CSE1L: variants seen among roughly 807,000 people sequenced by gnomAD.
CSE1L encodes the protein chromosome segregation 1 like.
CSE1L carries 24 observed loss-of-function variants against 120.4 expected under a neutral mutation model. The ratio of observed to expected loss-of-function variants is 0.20; its 90% CI spans 0.14 to 0.28. The LOEUF (loss-of-function observed/expected upper bound fraction) is 0.28. Among genes scored for constraint, CSE1L ranks in the 10% least tolerant of loss-of-function variants. The pLI is 1.00. For synonymous variants in CSE1L, 402 were observed against 398.3 expected, an observed-to-expected ratio of 1.01 and a Z score of -0.11; for missense variants, 830 against 1,145.2, an observed-to-expected ratio of 0.72 and a Z score of 3.97.
At chr20:49,081,839 A>G (rs1198602384) in intron 14 of CSE1L, among the ~76,000 whole-genome samples, 1 of 152,164 alleles carries the variant, frequency 6.6e-6, no homozygotes, top group Non-Finnish European at 1.5e-5. Flanking sequence ...TATTTTAAAC[A>G]CACAAGCAGG....
At position 49,081,454 on chromosome 20, in the gene CSE1L, G is replaced by T. The variant is rs115841347; in HGVS notation, c.1483-2572G>T. ...ACGTGCCACCACACCCAGCCATATT[G>T]CATTACTTTTAAAAAATCAATTGAG... On this transcript the variant is annotated intron_variant, in intron 14 of 24. Coordinates refer to ENST00000262982, the MANE Select transcript of CSE1L (RefSeq NM_001316.4). 5.2e-3 allele frequency among the ~76,000 whole-genome samples: 791 copies of T among 152,248 alleles called. 9 individuals are homozygous for T. Among genetic ancestry groups the T allele is most frequent in the African/African-American group, 0.018 (740 of 41,552 alleles).
rs191560041 is a variant in CSE1L at position 49,063,127 on chromosome 20, T to A, written c.86-75T>A. 1.9e-5 allele frequency: 12 copies of A among 631,920 alleles called. No individual in the cohort carries two copies. In the Admixed American group the frequency reaches 3.6e-4, roughly 19 times the overall value. 39.1% of individuals were successfully genotyped at this position (631,920 alleles called of 1,614,324 possible). On this transcript the variant is annotated intron_variant, in intron 2 of 24. Transcript: ENST00000262982. ...CTTTTCTCTTTTTTTGATTTTTTTTTATATATATATATTTGATATATATAA... is the reference window on the plus strand; with the variant it reads ...CTTTTCTCTTTTTTTGATTTTTTTTAATATATATATATTTGATATATATAA...
At chr20:49,088,855 A>C (rs1323944209) in intron 17 of CSE1L, among the ~76,000 whole-genome samples, 1 of 152,160 alleles carries the variant, frequency 6.6e-6, no homozygotes, top group African/African-American at 2.4e-5. Context: ...TTAAAGAAAA[A>C]TGGGGTTTTG....
intron 1 of CSE1L, among the ~76,000 whole-genome samples, chr20:49,048,216 C>G (rs1166584779): frequency 6.6e-6 from 1 of 150,782 alleles, no homozygotes; most frequent in African/African-American, 2.4e-5. Flanking sequence ...TCCTACAACC[C>G]TTTATCTTTC....
intron 15 of CSE1L, among the ~76,000 whole-genome samples, chr20:49,084,660 C>T (rs899477050): frequency 5.3e-5 from 8 of 152,148 alleles, no homozygotes; most frequent in Non-Finnish European, 1.0e-4. Context: ...GAAAGTAATT[C>T]ACTGGGGACC....
chr20:49,090,739 C>T lies in CSE1L; in HGVS notation c.2182-3C>T. ...TTTTCTGTTGGATCTCATTTCTTAACAGCCTGGGTTACTAGGTGTCTTTCA... is the reference window on the plus strand; with the variant it reads ...TTTTCTGTTGGATCTCATTTCTTAATAGCCTGGGTTACTAGGTGTCTTTCA... On this transcript the variant is annotated splice_region_variant and splice_polypyrimidine_tract_variant and intron_variant, in intron 19 of 24. Transcript: ENST00000262982. The T allele has an allele frequency of 6.2e-7, 1 of 1,610,236 alleles. No homozygotes were observed. The highest frequency in any genetic ancestry group is 2.2e-5 in the East Asian group (1 of 44,834).
At chr20:49,057,695 G>A (rs909999530) in intron 1 of CSE1L, among the ~76,000 whole-genome samples, 14 of 151,988 alleles carry the variant, frequency 9.2e-5, no homozygotes, top group African/African-American at 3.1e-4. Flanking sequence ...GCTATGGTGC[G>A]ATCTCAGCTC....
chr20:49,086,855 G>A (rs183359582), intron 16 of CSE1L, among the ~76,000 whole-genome samples: 5 of 152,252 alleles, frequency 3.3e-5, no homozygotes, highest in Admixed American at 2.0e-4. Context: ...GTCAGGGAAG[G>A]ATTTTCTCTA....
At chr20:49,083,790 T>A (rs1446355548) in intron 14 of CSE1L, among the ~76,000 whole-genome samples, 1 of 152,212 alleles carries the variant, frequency 6.6e-6, no homozygotes, top group Non-Finnish European at 1.5e-5. Context: ...TGTTGATTTA[T>A]CTGCAAGATG....
intron 16 of CSE1L, among the ~76,000 whole-genome samples, chr20:49,087,798 G>C (rs888873515): frequency 6.6e-6 from 1 of 151,960 alleles, no homozygotes; most frequent in African/African-American, 2.4e-5. Context: ...GAAATACTCA[G>C]TATTTCCCAG....
chr20:49,078,718 C>T (rs2091988144), intron 14 of CSE1L, 96 bp downstream of exon 14: 2 of 726,368 alleles, frequency 2.8e-6, no homozygotes, highest in South Asian at 2.2e-5. Flanking sequence ...TTTATATCCA[C>T]ATCTAACAAA....
intron 2 of CSE1L, among the ~76,000 whole-genome samples, chr20:49,060,219 C>CA (rs2091841132): frequency 6.6e-6 from 1 of 151,242 alleles, no homozygotes; most frequent in Non-Finnish European, 1.5e-5. Flanking sequence ...TGCATTTGCT[C>CA]ACGCCTGTAA....
chr20:49,089,644 G>A lies in CSE1L; in HGVS notation c.2079G>A (p.Val693=). The A allele has an allele frequency of 1.2e-6, 2 of 1,614,154 alleles. No individual in the cohort carries two copies. Among genetic ancestry groups the A allele is most frequent in the Non-Finnish European group, 1.7e-6 (2 of 1,180,010 alleles). ...MALFPHLLQP[V]LWERTGNIPA... is the part of the protein sequence containing the mutation. ...TATTTCCTCATCTCCTTCAGCCAGT[G>A]CTTTGGGAAAGAACAGGAAATATTC... The change falls in exon 19 of 25, where the codon GTG becomes GTA. Residue 693 remains valine (V), a synonymous_variant. Coordinates refer to ENST00000262982, the MANE Select transcript of CSE1L (RefSeq NM_001316.4).
At chr20:49,065,917 A>C (rs1414506025) in intron 3 of CSE1L, among the ~76,000 whole-genome samples, 1 of 152,166 alleles carries the variant, frequency 6.6e-6, no homozygotes, top group East Asian at 1.9e-4. Flanking sequence ...CTTAATTGGC[A>C]TCAAGGAGTA....
intron 12 of CSE1L, among the ~76,000 whole-genome samples, chr20:49,076,218 G>A (rs1211904587): frequency 2.0e-5 from 3 of 149,128 alleles, no homozygotes; most frequent in Non-Finnish European, 4.5e-5. Context: ...ACGGAGTTTC[G>A]CTCTTGTTGC....
intron 14 of CSE1L, among the ~76,000 whole-genome samples, chr20:49,078,971 A>T (rs910209533): frequency 6.6e-6 from 1 of 152,126 alleles, no homozygotes; most frequent in Non-Finnish European, 1.5e-5. Context: ...GGCTCACTGC[A>T]ACCTCTACCT....
At chr20:49,081,560 T>C (rs1830803001) in intron 14 of CSE1L, among the ~76,000 whole-genome samples, 1 of 152,250 alleles carries the variant, frequency 6.6e-6, no homozygotes, top group Non-Finnish European at 1.5e-5. Flanking sequence ...CATTGCAGTT[T>C]TAATTTACGT....
intron 6 of CSE1L, 145 bp downstream of exon 6, chr20:49,067,425 A>G (rs1187633559): frequency 1.9e-6 from 1 of 529,154 alleles, no homozygotes; most frequent in Admixed American, 3.6e-5. Context: ...ACCTACACAG[A>G]AATAGAGATG....
chr20:49,067,784 AGTG>A, intron 6 of CSE1L, among the ~76,000 whole-genome samples: 1 of 151,824 alleles, frequency 6.6e-6, no homozygotes, highest in South Asian at 2.1e-4. Flanking sequence ...CCCAGGCTGG[AGTG>A]CAGTGGGGCA....
Sources: gnomAD v4.1 joint callset for allele counts (sites outside exome capture counted in the v4.1 genomes callset) on GRCh38, gnomAD v4.1.1 for gene constraint, MANE v1.5 for transcripts, NCBI Gene and HGNC (gene_info 2026-07-23, HGNC 2026-07-21) for gene names.